The following GLIS3 variants were observed in gnomAD, a reference collection of about 807,000 sequenced individuals.
The protein encoded by GLIS3 is GLIS family zinc finger 3.
GLIS3 carries 53 observed loss-of-function variants against 78.6 expected under a neutral mutation model. That is an observed-to-expected ratio of 0.67 (90% CI 0.54 to 0.85). The LOEUF (loss-of-function observed/expected upper bound fraction) is 0.85, where lower values mean the gene tolerates loss of function less well. Among genes scored for constraint, GLIS3 ranks in the 40% least tolerant of loss-of-function variants. The probability of loss-of-function intolerance (pLI) is 0.00; values close to 1 mark genes in which losing one functional copy is unlikely to be tolerated. For missense variants in GLIS3, 1,703 were observed against 1,231.1 expected, an observed-to-expected ratio of 1.38 and a Z score of -5.74; for synonymous variants, 684 against 509.9, an observed-to-expected ratio of 1.34 and a Z score of -4.60.
chr9:4,129,227 G>C (rs1490338440), intron 2 of GLIS3, among the ~76,000 whole-genome samples: 1 of 152,182 alleles, frequency 6.6e-6, no homozygotes, highest in Non-Finnish European at 1.5e-5. Flanking sequence ...GGGCTCTGGA[G>C]ATAGCTTGCC....
chr9:4,004,171 G>GC (rs1244978850), intron 4 of GLIS3, among the ~76,000 whole-genome samples: 1 of 152,168 alleles, frequency 6.6e-6, no homozygotes, highest in Non-Finnish European at 1.5e-5. Context: ...AAAGGGAATT[G>GC]CAAGTTCTTT....
At chr9:4,390,688 A>T in the GLIS3 span, among the ~76,000 whole-genome samples, 1 of 152,182 alleles carries the variant, frequency 6.6e-6, no homozygotes, top group African/African-American at 2.4e-5. Context: ...AGGCTAGAAG[A>T]TCCAGAGTTG....
At chr9:4,417,629 C>T in the GLIS3 span, among the ~76,000 whole-genome samples, 11 of 152,040 alleles carry the variant, frequency 7.2e-5, no homozygotes, top group African/African-American at 2.2e-4. Flanking sequence ...ATCTGTAGGG[C>T]GAATATCTTG....
rs534890651 is a variant in GLIS3, at chr9:4,092,942, C to G, written c.1710+24826G>C. Among the ~76,000 whole-genome samples the G allele has an allele frequency of 2.9e-4, 44 of 152,278 alleles. No homozygotes were observed. In the South Asian group the frequency reaches 4.6e-3, roughly 16 times the overall value. ...AGGTTTGTTCACACCAGAATCACCCCCATGCACGTGAATAATGAATTGCTC... is the reference window on the plus strand; with the variant it reads ...AGGTTTGTTCACACCAGAATCACCCGCATGCACGTGAATAATGAATTGCTC... On this transcript the variant is annotated intron_variant, in intron 4 of 10. Coordinates refer to ENST00000381971, the MANE Select transcript of GLIS3 (RefSeq NM_001042413.2).
chr9:4,462,139 T>G, the GLIS3 span, among the ~76,000 whole-genome samples: 1 of 152,150 alleles, frequency 6.6e-6, no homozygotes, highest in Non-Finnish European at 1.5e-5. Flanking sequence ...CTACTCTAGG[T>G]CTATAAAAGG....
intron 1 of GLIS3, among the ~76,000 whole-genome samples, chr9:4,294,679 C>T (rs527808897): frequency 1.6e-4 from 24 of 149,608 alleles, no homozygotes; most frequent in Non-Finnish European, 3.3e-4. Flanking sequence ...TTTCACTTTC[C>T]TGTCTAAATT....
rs35583742 is a variant in GLIS3, at chr9:4,321,421, C to CAAAAAAAAAAAAAAAAAA, written n.265-10911_265-10894dup. On this transcript the variant is annotated intron_variant and non_coding_transcript_variant, in intron 2 of 4. Transcript: ENST00000471664. ...TGGGCCACAGAGCTAGACTCCGTCT[C>CAAAAAAAAAAAAAAAAAA]AAAAAAAAAAAAAAAAAAAAAAAAA... Among the ~76,000 whole-genome samples the CAAAAAAAAAAAAAAAAAA allele has an allele frequency of 6.1e-4, 10 of 16,302 alleles. 4 individuals carry two copies. Among genetic ancestry groups the CAAAAAAAAAAAAAAAAAA allele is most frequent in the Non-Finnish European group, 8.7e-4 (8 of 9,156 alleles). The allele number at this position is 16,302 out of a possible 152,430, so 10.7% of individuals were successfully genotyped here.
intron 2 of GLIS3, among the ~76,000 whole-genome samples, chr9:4,224,268 C>A (rs1331319061): frequency 6.6e-6 from 1 of 152,106 alleles, no homozygotes; most frequent in Non-Finnish European, 1.5e-5. Context: ...GAGAATATTT[C>A]CAGTCTTAAA....
chr9:4,097,543 T>A (rs1830052578), intron 4 of GLIS3, among the ~76,000 whole-genome samples: 1 of 152,118 alleles, frequency 6.6e-6, no homozygotes, highest in Non-Finnish European at 1.5e-5. Context: ...CCTCCCTCTT[T>A]TTTGATTAAA....
At chr9:4,111,795 C>T (rs1173154761) in intron 4 of GLIS3, among the ~76,000 whole-genome samples, 1 of 152,088 alleles carries the variant, frequency 6.6e-6, no homozygotes, top group African/African-American at 2.4e-5. Context: ...CAGACCGATG[C>T]CTTGTGGGAT....
intron 2 of GLIS3, among the ~76,000 whole-genome samples, chr9:4,145,674 A>G (rs1354359880): frequency 1.3e-5 from 2 of 151,370 alleles, no homozygotes; most frequent in Non-Finnish European, 2.9e-5. Flanking sequence ...GGGACCTAAC[A>G]TCTCAAACTT....
At chr9:4,402,428 T>G in the GLIS3 span, among the ~76,000 whole-genome samples, 2 of 152,204 alleles carry the variant, frequency 1.3e-5, no homozygotes, top group African/African-American at 4.8e-5. Context: ...GATGAACATC[T>G]ACAAGCATCA....
Position 3,841,401 on chromosome 9 carries a change from G to T in GLIS3, c.2474-11909C>A, listed in dbSNP as rs151146062. ...AAGCCAGCTCTGCCATGTACTAGCT[G>T]TGTGGCTTTGAGGGAACTCTAGCCT... On this transcript the variant is annotated intron_variant, in intron 9 of 10. Transcript: ENST00000381971. 2.4e-3 allele frequency among the ~76,000 whole-genome samples: 371 copies of T among 152,302 alleles called. 2 individuals are homozygous for T. Among genetic ancestry groups the T allele is most frequent in the African/African-American group, 8.7e-3 (362 of 41,550 alleles).
At chr9:3,994,971 T>G (rs1451166058) in intron 4 of GLIS3, among the ~76,000 whole-genome samples, 1 of 152,134 alleles carries the variant, frequency 6.6e-6, no homozygotes, top group Non-Finnish European at 1.5e-5. Flanking sequence ...ATTCTAACAA[T>G]TTCAGGTACC....
intron 2 of GLIS3, among the ~76,000 whole-genome samples, chr9:4,159,819 T>C (rs1168542516): frequency 2.6e-5 from 4 of 152,218 alleles, no homozygotes; most frequent in African/African-American, 9.6e-5. Flanking sequence ...TGACCAACAA[T>C]GAAATACATT....
chr9:3,835,642 G>T (rs1221134290), intron 9 of GLIS3, among the ~76,000 whole-genome samples: 1 of 152,210 alleles, frequency 6.6e-6, no homozygotes, highest in African/African-American at 2.4e-5. Flanking sequence ...AGCAAAATGA[G>T]GGTGTTAACA....
At chr9:4,400,392 C>G in the GLIS3 span, among the ~76,000 whole-genome samples, 1 of 151,984 alleles carries the variant, frequency 6.6e-6, no homozygotes, top group South Asian at 2.1e-4. Flanking sequence ...AATTCAAAAT[C>G]AAAGCTGTTG....
At chr9:4,335,976 G>A (rs1417258580) in intron 2 of GLIS3, among the ~76,000 whole-genome samples, 1 of 152,210 alleles carries the variant, frequency 6.6e-6, no homozygotes, top group East Asian at 1.9e-4. Flanking sequence ...TGATGAAGAA[G>A]AAAGGGCAGG....
chr9:3,940,982 C>T (rs754252217), intron 4 of GLIS3, among the ~76,000 whole-genome samples: 1 of 152,180 alleles, frequency 6.6e-6, no homozygotes, highest in Non-Finnish European at 1.5e-5. Context: ...ACGCTGGCAT[C>T]GCCTGGGAAC....
Sources: gnomAD v4.1 joint callset for allele counts (sites outside exome capture counted in the v4.1 genomes callset) on GRCh38, gnomAD v4.1.1 for gene constraint, MANE v1.5 for transcripts, NCBI Gene and HGNC (gene_info 2026-07-23, HGNC 2026-07-21) for gene names.